SPDYE4: variants seen among roughly 807,000 people sequenced by gnomAD.
SPDYE4 encodes the protein speedy/RINGO cell cycle regulator family member E4.
In SPDYE4, 30 loss-of-function variants were observed where a neutral mutation model predicts 37.5. The observed-to-expected ratio is 0.80, with a 90% CI of 0.60 to 1.09. SPDYE4 has a LOEUF of 1.09. SPDYE4 is among the 50% of genes least tolerant of loss of function. The pLI, the probability that SPDYE4 is intolerant of heterozygous loss-of-function variation, is 0.00. For missense variants in SPDYE4, 300 were observed against 307.9 expected (o/e 0.97, Z 0.19); for synonymous variants, 131 against 120.3 (o/e 1.09, Z -0.58).
At chr17:8,749,027 T>C (rs989213290), downstream of SPDYE4, among the ~76,000 whole-genome samples, 1 of 152,140 alleles carries the variant, frequency 6.6e-6, no homozygotes, top group African/African-American at 2.4e-5. Context: ...CAATATTTGG[T>C]CTGTTTACCC....
At chr17:8,755,187 T>C (rs2086761590) in intron 4 of SPDYE4, among the ~76,000 whole-genome samples, 2 of 152,264 alleles carry the variant, frequency 1.3e-5, no homozygotes, top group South Asian at 4.1e-4. Context: ...AGAAGGAGGA[T>C]GGAAAATTGC....
chr17:8,753,544 C>T lies in SPDYE4; in HGVS notation c.486-55G>A, dbSNP rs577934195. ...GGGCCCCACCAGGAGGGACCCCTGCCTGAGGGCAGCCTCTCAGAGAGGAGG... is the reference window on the plus strand; with the variant it reads ...GGGCCCCACCAGGAGGGACCCCTGCTTGAGGGCAGCCTCTCAGAGAGGAGG... On this transcript the variant is annotated intron_variant, in intron 4 of 6. Coordinates refer to ENST00000689094, the MANE Select transcript of SPDYE4 (RefSeq NM_001394956.1). The T allele has an allele frequency of 5.0e-6, 8 of 1,593,468 alleles. No homozygotes were observed. In the South Asian group the frequency reaches 8.0e-5, roughly 16 times the overall value.
intron 2 of SPDYE4, among the ~76,000 whole-genome samples, 183 bp from the exon 3 acceptor site, chr17:8,756,619 C>T (rs1377404715): frequency 6.6e-6 from 1 of 152,102 alleles, no homozygotes; most frequent in Admixed American, 6.5e-5. Context: ...CTCTGAGATT[C>T]CCCTGAGGAG....
At chr17:8,754,613 A>G (rs572076344) in intron 4 of SPDYE4, among the ~76,000 whole-genome samples, 284 of 152,232 alleles carry the variant, frequency 1.9e-3, no homozygotes, top group African/African-American at 6.4e-3. Context: ...TTTTGACAAG[A>G]CCCTGCCTTC....
chr17:8,753,868 T>C (rs2086750906), intron 4 of SPDYE4, among the ~76,000 whole-genome samples: 1 of 152,086 alleles, frequency 6.6e-6, no homozygotes. Flanking sequence ...GCCATCCTTA[T>C]ACAAGACAGA....
In SPDYE4 at chr17:8,752,187, G is replaced by A. The variant is rs1013116165; in HGVS notation, c.*95C>T. Among the ~76,000 whole-genome samples, 5 of 152,070 alleles carry A rather than the reference G, an allele frequency of 3.3e-5. No individual in the cohort carries two copies. The highest frequency in any genetic ancestry group is 5.9e-5 in the Non-Finnish European group (4 of 68,034). ...TCCCTTCCTGGTGTCTGGCATTAGC[G>A]TCGCGATAAACTTCCTGCTGAAAAT... On this transcript the variant is annotated 3_prime_UTR_variant, in exon 7 of 7. Transcript: ENST00000689094.
At position 8,756,455 on chromosome 17, in the gene SPDYE4, T is replaced by A. The variant is rs141805029; in HGVS notation, c.341-19A>T. ...GGATCCCCTGTGAAAAGAGAGCCTG[T>A]GTCAGGGTGAGAAGTGGAACAGGGT... On this transcript the variant is annotated intron_variant, in intron 2 of 6. Transcript: ENST00000689094. 2.8e-4 allele frequency: 445 copies of A among 1,613,292 alleles called. 1 individual carries two copies. In the East Asian group the frequency reaches 7.1e-3, roughly 26 times the overall value.
Position 8,751,624 on chromosome 17 carries a change from G to A in SPDYE4, c.*658C>T, listed in dbSNP as rs1027666119. On this transcript the variant is annotated 3_prime_UTR_variant, in exon 7 of 7. Transcript: ENST00000689094. The stretch of plus-strand genomic sequence containing the variant: ...AACGATTTAAAGAGAAAACATTTAC[G>A]ATAAAAAGAATCCTCTCTTAAAAAT... Among the ~76,000 whole-genome samples the A allele has an allele frequency of 1.3e-5, 2 of 152,092 alleles. No individual in the cohort carries two copies. The highest frequency in any genetic ancestry group is 2.1e-4 in the South Asian group (1 of 4,824).
chr17:8,755,669 G>A (rs1253818882), intron 3 of SPDYE4, 64 bp from the exon 4 acceptor site: 16 of 1,563,816 alleles, frequency 1.0e-5, no homozygotes, highest in Non-Finnish European at 1.3e-5. Context: ...GGAAGATGGT[G>A]GAGAGAAGGG....
Position 8,758,271 on chromosome 17 carries a change from C to T in SPDYE4, c.109+3G>A. ...CCATCGCTTCTCCCTCCAGTCACCTCACCTGATGGTCCTGGCACTTCATCA... is the reference window on the plus strand; with the variant it reads ...CCATCGCTTCTCCCTCCAGTCACCTTACCTGATGGTCCTGGCACTTCATCA... On this transcript the variant is annotated splice_donor_region_variant and intron_variant, in intron 1 of 6. Transcript: ENST00000689094. 1 of 1,538,260 alleles carries T rather than the reference C, an allele frequency of 6.5e-7. No homozygotes were observed. Among genetic ancestry groups the T allele is most frequent in the Non-Finnish European group, 8.8e-7 (1 of 1,140,272 alleles).
chr17:8,758,289 C>G lies in SPDYE4; in HGVS notation c.94G>C (p.Val32Leu), dbSNP rs753294467. ...GTCACCTCACCTGATGGTCCTGGCACTTCATCATCCACCACCACCTCGGGG... is the reference window on the plus strand; with the variant it reads ...GTCACCTCACCTGATGGTCCTGGCAGTTCATCATCCACCACCACCTCGGGG... ...RSPEVVVDDE[V>L]PGPSAPWIDP... The change falls in exon 1 of 7, where the codon GTG (valine) becomes CTG (leucine). Residue 32 changes from valine to leucine, a missense_variant. Val to Leu is a conservative substitution (Grantham distance 32, BLOSUM62 1). Transcript: ENST00000689094. 8 of 1,546,816 alleles carry G rather than the reference C, an allele frequency of 5.2e-6. No homozygotes were observed. Among genetic ancestry groups the G allele is most frequent in the Middle Eastern group, 1.7e-4 (1 of 5,964 alleles).
intron 6 of SPDYE4, among the ~76,000 whole-genome samples, chr17:8,752,718 G>A (rs1470412988): frequency 1.3e-5 from 2 of 152,098 alleles, no homozygotes; most frequent in East Asian, 3.9e-4. Flanking sequence ...TGCACAAGAT[G>A]TCAACCAAAT....
In SPDYE4 at chr17:8,758,533, G is replaced by T. The variant is rs2086794451; in HGVS notation, c.-151C>A. On this transcript the variant is annotated 5_prime_UTR_variant, in exon 1 of 7. Transcript: ENST00000689094. Reference sequence around the variant, plus strand: ...GAGTGAAGAGTAGTTCTGAGAAGTTGCTGTTGTCCACCTGAACTCCCAAGC... The same window carrying T: ...GAGTGAAGAGTAGTTCTGAGAAGTTTCTGTTGTCCACCTGAACTCCCAAGC... 5.8e-6 allele frequency: 4 copies of T among 692,050 alleles called. No individual in the cohort carries two copies. The highest frequency in any genetic ancestry group is 5.7e-5 in the Admixed American group (2 of 34,818). The allele number at this position is 692,050 out of a possible 1,614,324, so 42.9% of individuals were successfully genotyped here. A position where few individuals can be genotyped will look rare whatever the true frequency, so the allele number is the denominator to read the frequency against.
chr17:8,750,858 A>T lies in SPDYE4; in HGVS notation c.*1424T>A, dbSNP rs2086723828. On this transcript the variant is annotated 3_prime_UTR_variant, in exon 7 of 7. Transcript: ENST00000689094. ...CAATATGGTCACAGTCGTTGTGAAG[A>T]TGAGAAAACTTCATCTTTATTGCAT... 6.6e-6 allele frequency among the ~76,000 whole-genome samples: 1 copy of T among 152,258 alleles called. No individual in the cohort carries two copies. The highest frequency in any genetic ancestry group is 1.5e-5 in the Non-Finnish European group (1 of 68,038).
At chr17:8,756,211 CCT>C (rs1279878907) in intron 3 of SPDYE4, among the ~76,000 whole-genome samples, 165 bp downstream of exon 3, 1 of 152,064 alleles carries the variant, frequency 6.6e-6, no homozygotes, top group Non-Finnish European at 1.5e-5. Context: ...AGAACGAGAC[CCT>C]GTTTCTGAAA....
At position 8,751,367 on chromosome 17, in the gene SPDYE4, A is replaced by G. The variant is rs2086727251; in HGVS notation, c.*915T>C. Among the ~76,000 whole-genome samples the G allele has an allele frequency of 6.6e-6, 1 of 152,242 alleles. No individual in the cohort carries two copies. The highest frequency in any genetic ancestry group is 2.1e-4 in the South Asian group (1 of 4,832). ...ATGCCATGCCCATCATTTTCAAAAT[A>G]AACAAATAAAATGTATAGTATATAT... On this transcript the variant is annotated 3_prime_UTR_variant, in exon 7 of 7. Transcript: ENST00000689094.
rs377738405 is a variant in SPDYE4, at chr17:8,757,437, G to A, written c.165C>T (p.Ser55=). ...CCTCCTCGGATTCGTCTGACCATTC[G>A]CTCTTCCTTTTCAGGCCAAGGGATT... The part of the protein sequence containing the change: ...QPQSLGLKRK[S]EWSDESEEEL... The change falls in exon 2 of 7, where the codon AGC becomes AGT. Residue 55 remains serine (S), a synonymous_variant. Coordinates refer to ENST00000689094, the MANE Select transcript of SPDYE4 (RefSeq NM_001394956.1). 77 of 1,599,744 alleles carry A rather than the reference G, an allele frequency of 4.8e-5. No homozygotes were observed. The South Asian group carries it at 6.2e-4, about 13-fold the overall frequency.
intron 2 of SPDYE4, 142 bp from the exon 3 acceptor site, chr17:8,756,578 G>T: frequency 1.4e-6 from 1 of 737,538 alleles, no homozygotes; most frequent in Non-Finnish European, 2.3e-6. Context: ...AGGAGAGAAG[G>T]ACTTTCACTG....
rs767271727 is a variant in SPDYE4, at chr17:8,757,268, G to A, written c.334C>T (p.Leu112Phe). 1 of 1,603,962 alleles carries A rather than the reference G, an allele frequency of 6.2e-7. No homozygotes were observed. The change falls in exon 2 of 7, where the codon CTC (leucine) becomes TTC (phenylalanine). Residue 112 changes from leucine (L) to phenylalanine (F), a missense_variant. Transcript: ENST00000689094. ...TTTTGGGGTATCCTCCTACCAAGGA[G>A]CCTGTTGAAGGCCTCGTGGTGCTCA... is the stretch of plus-strand genomic sequence containing the variant. ...LPEHHEAFNR[L>F]LGDPVVQKFL...
Sources: allele counts gnomAD v4.1 joint callset (sites outside exome capture counted in the v4.1 genomes callset), GRCh38; gene constraint gnomAD v4.1.1; transcripts MANE v1.5; gene names NCBI Gene and HGNC (gene_info 2026-07-23, HGNC 2026-07-21).